RBM39: variants seen among roughly 807,000 people sequenced by gnomAD.
The protein encoded by RBM39 is RNA-binding protein 39.
Under a neutral mutation model 79.6 loss-of-function variants are expected in RBM39, and 12 were observed. The ratio of observed to expected loss-of-function variants is 0.15; its 90% CI spans 0.10 to 0.24. The LOEUF (loss-of-function observed/expected upper bound fraction) is 0.24, where lower values mean the gene tolerates loss of function less well. Among genes scored for constraint, RBM39 ranks in the 10% least tolerant of loss-of-function variants. RBM39 has a pLI of 1.00. For synonymous variants in RBM39, 185 were observed against 208.4 expected (o/e 0.89, Z 0.97); for missense variants, 243 against 653.4 (o/e 0.37, Z 6.85).
rs564206367 is a variant in RBM39, at chr20:35,719,867, C to G, written c.825+1873G>C. 2.0e-5 allele frequency among the ~76,000 whole-genome samples: 3 copies of G among 152,130 alleles called. No individual in the cohort carries two copies. In the East Asian group the frequency reaches 5.8e-4, roughly 29 times the overall value. On this transcript the variant is annotated intron_variant, in intron 9 of 16. Coordinates refer to ENST00000253363, the MANE Select transcript of RBM39 (RefSeq NM_184234.3). Reference sequence around the variant, plus strand: ...GCGTGATCTCGGCTCACTGCAATCTCTGCCACCCGGGTTCAAGTGACTCTC... The same window carrying G: ...GCGTGATCTCGGCTCACTGCAATCTGTGCCACCCGGGTTCAAGTGACTCTC...
intron 3 of RBM39, chr20:35,732,729 A>G (rs886123891): frequency 3.3e-5 from 5 of 152,966 alleles, no homozygotes; most frequent in Non-Finnish European, 5.8e-5. Context: ...GGCAAATACA[A>G]ATCAAAATGT....
intron 6 of RBM39, among the ~76,000 whole-genome samples, chr20:35,725,744 C>G (rs1317120941): frequency 6.6e-6 from 1 of 151,302 alleles, no homozygotes; most frequent in Admixed American, 6.6e-5. Flanking sequence ...CTCACCACAA[C>G]CTCCGCCTCC....
chr20:35,721,336 C>A (rs2037916746), intron 9 of RBM39, among the ~76,000 whole-genome samples: 1 of 152,068 alleles, frequency 6.6e-6, no homozygotes, highest in African/African-American at 2.4e-5. Flanking sequence ...AACAATTTTC[C>A]TTCTTTTGAC....
intron 2 of RBM39, chr20:35,739,681 G>GGAA (rs2040321216): frequency 2.9e-6 from 1 of 339,460 alleles, no homozygotes; most frequent in African/African-American, 2.2e-5. Flanking sequence ...TTACATCCAT[G>GGAA]TTAAAAAAAA....
intron 9 of RBM39, among the ~76,000 whole-genome samples, chr20:35,720,875 A>C (rs1441196089): frequency 6.6e-6 from 1 of 152,230 alleles, no homozygotes. Flanking sequence ...AGATTTCAAC[A>C]GACAGAAAAA....
intron 1 of RBM39, among the ~76,000 whole-genome samples, 164 bp from the exon 2 acceptor site, chr20:35,741,051 T>TTTTTTTTTTTTA (rs367902878): frequency 3.0e-5 from 4 of 133,680 alleles, no homozygotes; most frequent in African/African-American, 8.4e-5. Context: ...TTTTTTTTTT[T>TTTTTTTTTTTTA]GAGACGGAGT....
At chr20:35,716,378 A>C (rs747848802) in intron 10 of RBM39, among the ~76,000 whole-genome samples, 86 of 152,072 alleles carry the variant, frequency 5.7e-4, no homozygotes, top group Non-Finnish European at 1.0e-3. Context: ...CCGGCCACAA[A>C]AACTAATTTA....
chr20:35,723,630 G>A (rs572572930), intron 8 of RBM39, among the ~76,000 whole-genome samples: 9 of 152,232 alleles, frequency 5.9e-5, no homozygotes, highest in South Asian at 2.1e-4. Flanking sequence ...TAGAGACAAG[G>A]TTTCACCATG....
rs979734379 is a variant in RBM39 at position 35,701,867 on chromosome 20, A to G, written c.*2614T>C. ...CGCCTCCGCCTCCCAGTGTTCACAT[A>G]TACAGGCATAAGGCACCACGTCCAG... On this transcript the variant is annotated 3_prime_UTR_variant, in exon 17 of 17. Coordinates refer to ENST00000253363, the MANE Select transcript of RBM39 (RefSeq NM_184234.3). 6 of 152,112 alleles carry G rather than the reference A, an allele frequency of 3.9e-5. No homozygotes were observed. Among genetic ancestry groups the G allele is most frequent in the African/African-American group, 1.4e-4 (6 of 41,388 alleles). 9.4% of individuals were successfully genotyped at this position (152,112 alleles called of 1,614,324 possible).
In RBM39 at chr20:35,731,256, T is replaced by C. The variant is rs73618517; in HGVS notation, c.296+685A>G. 973 of 152,346 alleles carry C rather than the reference T, an allele frequency of 6.4e-3. 8 individuals carry two copies. The highest frequency in any genetic ancestry group is 0.041 in the East Asian group (212 of 5,192). 9.4% of individuals were successfully genotyped at this position (152,346 alleles called of 1,614,324 possible). A position where few individuals can be genotyped will look rare whatever the true frequency, so the allele number is the denominator to read the frequency against. Reference sequence around the variant, plus strand: ...ATTAAAGATTGCTAGATGCAATCCTTAGAATTGTAGGTGGTTAATATAGTT... The same window carrying C: ...ATTAAAGATTGCTAGATGCAATCCTCAGAATTGTAGGTGGTTAATATAGTT... On this transcript the variant is annotated intron_variant, in intron 4 of 16. Coordinates refer to ENST00000253363, the MANE Select transcript of RBM39 (RefSeq NM_184234.3).
rs1057303053 is a variant in RBM39, at chr20:35,729,249, T to G, written c.416+63A>C. 289 of 1,384,788 alleles carry G rather than the reference T, an allele frequency of 2.1e-4. 1 individual carries two copies. The highest frequency in any genetic ancestry group is 5.9e-4 in the Admixed American group (24 of 40,480). The allele number at this position is 1,384,788 out of a possible 1,614,324, so 85.8% of individuals were successfully genotyped here. ...GTCCAAATTACTAAATATCATCAAA[T>G]TTAACAGTACCATAAGCTGCAAAAG... On this transcript the variant is annotated intron_variant, in intron 6 of 16. Coordinates refer to ENST00000253363, the MANE Select transcript of RBM39 (RefSeq NM_184234.3).
chr20:35,706,198 C>T (rs939704586), intron 14 of RBM39, among the ~76,000 whole-genome samples: 31 of 152,072 alleles, frequency 2.0e-4, no homozygotes, highest in Non-Finnish European at 4.4e-5. Context: ...AGTAGTTGGG[C>T]GTGGTGGTGT....
intron 12 of RBM39, among the ~76,000 whole-genome samples, chr20:35,711,455 A>G (rs2036400449): frequency 6.6e-6 from 1 of 152,238 alleles, no homozygotes; most frequent in Admixed American, 6.5e-5. Context: ...AATGGAATAA[A>G]GATAACTTGA....
intron 1 of RBM39, among the ~76,000 whole-genome samples, chr20:35,741,220 G>A (rs1336212241): frequency 6.6e-6 from 1 of 150,986 alleles, no homozygotes; most frequent in Non-Finnish European, 1.5e-5. Flanking sequence ...TTTTGGTAGA[G>A]ACGGGGTTTC....
intron 13 of RBM39, 152 bp from the exon 14 acceptor site, chr20:35,707,353 T>C (rs2035869030): frequency 4.5e-6 from 2 of 443,962 alleles, no homozygotes; most frequent in African/African-American, 2.1e-5. Flanking sequence ...TACTAATGTA[T>C]GTTATCAGTA....
intron 3 of RBM39, chr20:35,736,543 T>G: frequency 2.1e-6 from 1 of 470,600 alleles, no homozygotes. Context: ...AAGACTGACA[T>G]ACTTACTATG....
At chr20:35,711,223 A>C (rs2036367440) in intron 12 of RBM39, among the ~76,000 whole-genome samples, 1 of 152,210 alleles carries the variant, frequency 6.6e-6, no homozygotes, top group Admixed American at 6.5e-5. Context: ...GAATACCTAG[A>C]ACATGAACTA....
Position 35,707,169 on chromosome 20 carries a change from G to A in RBM39, c.1258C>T (p.Pro420Ser). Reference protein sequence around the residue: ...SALAAAASVQPLATQCFQLSN... With the variant: ...SALAAAASVQSLATQCFQLSN... ...AGTTGGAAACATTGTGTTGCAAGTG[G>A]CTGAACAGAGGCAGCTGCAGCTAAA... Residue 420 changes from proline to serine, a missense_variant, in exon 14 of 17, where the codon CCA (proline) becomes TCA (serine). Physicochemically the swap from Pro to Ser is moderately conservative, Grantham distance 74. Coordinates refer to ENST00000253363, the MANE Select transcript of RBM39 (RefSeq NM_184234.3). 6.2e-7 allele frequency: 1 copy of A among 1,609,332 alleles called. No individual in the cohort carries two copies. Among genetic ancestry groups the A allele is most frequent in the Non-Finnish European group, 8.5e-7 (1 of 1,176,864 alleles).
intron 10 of RBM39, among the ~76,000 whole-genome samples, chr20:35,715,417 C>G (rs2036984705): frequency 6.6e-6 from 1 of 152,146 alleles, no homozygotes; most frequent in Admixed American, 6.5e-5. Context: ...CTCAGGTGAT[C>G]TACCGCTCTC....
Sources: gnomAD v4.1 joint callset for allele counts (sites outside exome capture counted in the v4.1 genomes callset) on GRCh38, gnomAD v4.1.1 for gene constraint, MANE v1.5 for transcripts, NCBI Gene and HGNC (gene_info 2026-07-23, HGNC 2026-07-21) for gene names.